Variants in FLT1 observed in about 807,000 individuals in gnomAD.
The protein encoded by FLT1 is fms related receptor tyrosine kinase 1.
In FLT1, 49 loss-of-function variants were observed where a neutral mutation model predicts 156.3. That is an observed-to-expected ratio of 0.31 (90% CI 0.25 to 0.40). FLT1 has a LOEUF of 0.40. Ranked by LOEUF, FLT1 falls within the 10% of genes least tolerant of loss-of-function variation. The pLI is 1.00. For missense variants in FLT1, 1,322 were observed against 1,637.2 expected (o/e 0.81, Z 3.32); for synonymous variants, 594 against 583.8 (o/e 1.02, Z -0.25).
chr13:28,304,365 T>A (rs1369191211), intron 29 of FLT1, among the ~76,000 whole-genome samples: 1 of 152,206 alleles, frequency 6.6e-6, no homozygotes, highest in Non-Finnish European at 1.5e-5. Flanking sequence ...CACACGCAGA[T>A]GTTTGCCTGG....
intron 11 of FLT1, among the ~76,000 whole-genome samples, chr13:28,398,491 C>A (rs1451052727): frequency 6.6e-6 from 1 of 152,200 alleles, no homozygotes. Flanking sequence ...TAAGGTATTT[C>A]TGTCTTTAAT....
intron 3 of FLT1, among the ~76,000 whole-genome samples, chr13:28,454,004 G>A (rs1566036415): frequency 2.0e-5 from 3 of 152,104 alleles, no homozygotes. Flanking sequence ...TGAAAAGTGA[G>A]GAAGAGTGAG....
intron 3 of FLT1, among the ~76,000 whole-genome samples, chr13:28,453,290 A>G (rs935142894): frequency 1.3e-5 from 2 of 151,296 alleles, no homozygotes; most frequent in African/African-American, 4.9e-5. Context: ...CACCGGGCTA[A>G]TTTTGTATTT....
chr13:28,410,523 C>T (rs1439134753), intron 10 of FLT1, among the ~76,000 whole-genome samples: 1 of 152,230 alleles, frequency 6.6e-6, no homozygotes, highest in Non-Finnish European at 1.5e-5. Flanking sequence ...CTAATAACCA[C>T]ATTGATTCTA....
intron 12 of FLT1, among the ~76,000 whole-genome samples, chr13:28,393,382 A>G (rs1321443088): frequency 6.6e-6 from 1 of 152,232 alleles, no homozygotes; most frequent in African/African-American, 2.4e-5. Context: ...GTAAAAATAA[A>G]GAAGGCTCTA....
chr13:28,451,088 A>C (rs1325006801), intron 3 of FLT1, among the ~76,000 whole-genome samples: 1 of 152,162 alleles, frequency 6.6e-6, no homozygotes, highest in Non-Finnish European at 1.5e-5. Context: ...CTCTGCTGTA[A>C]GGTGCTGAGG....
At position 28,448,424 on chromosome 13, in the gene FLT1, A is replaced by G. The variant is rs535548284; in HGVS notation, c.389-10079T>C. 2.6e-5 allele frequency among the ~76,000 whole-genome samples: 4 copies of G among 152,386 alleles called. No homozygotes were observed. The South Asian group carries it at 8.3e-4, about 32-fold the overall frequency. ...GTCCATACAATGGAATATTACTCAG[A>G]AATAGAAAGAAATCAAGTGCTGATA... On this transcript the variant is annotated intron_variant, in intron 3 of 29. Coordinates refer to ENST00000282397, the MANE Select transcript of FLT1 (RefSeq NM_002019.4).
chr13:28,370,044 TA>T (rs1375328560), intron 14 of FLT1, among the ~76,000 whole-genome samples: 1 of 151,296 alleles, frequency 6.6e-6, no homozygotes, highest in African/African-American at 2.4e-5. Flanking sequence ...CTATAAAAAA[TA>T]AAAAAAATTA....
intron 16 of FLT1, among the ~76,000 whole-genome samples, chr13:28,344,536 T>A (rs1320664255): frequency 6.6e-6 from 1 of 152,218 alleles, no homozygotes; most frequent in East Asian, 1.9e-4. Flanking sequence ...CCTGGCATGC[T>A]GCACTGAGTG....
chr13:28,435,573 C>T (rs564718562), intron 4 of FLT1, among the ~76,000 whole-genome samples: 55 of 152,292 alleles, frequency 3.6e-4, no homozygotes, highest in Middle Eastern at 3.4e-3. Flanking sequence ...AAGCTCGAAA[C>T]CTTTTCTATC....
intron 11 of FLT1, among the ~76,000 whole-genome samples, chr13:28,403,887 C>T (rs1445319358): frequency 3.3e-5 from 5 of 152,056 alleles, no homozygotes; most frequent in Admixed American, 2.6e-4. Flanking sequence ...ACTAGAAATA[C>T]AAAACTTAGC....
intron 1 of FLT1, among the ~76,000 whole-genome samples, chr13:28,494,540 G>A (rs1881648200): frequency 6.6e-6 from 1 of 152,296 alleles, no homozygotes; most frequent in East Asian, 1.9e-4. Flanking sequence ...CGCGGACCCG[G>A]TCTGAGCGCT....
At chr13:28,389,374 TTAAAAA>T (rs1296881511) in intron 13 of FLT1, 26 of 1,265,802 alleles carry the variant, frequency 2.1e-5, no homozygotes, top group Middle Eastern at 6.1e-4. Flanking sequence ...GCTTCAACAC[TTAAAAA>T]TAAAAAGAGG....
intron 14 of FLT1, 64 bp downstream of exon 14, chr13:28,384,821 T>A: frequency 6.6e-7 from 1 of 1,515,338 alleles, no homozygotes; most frequent in Non-Finnish European, 9.2e-7. Flanking sequence ...GACGGGACTG[T>A]TAAGGGAAAG....
At chr13:28,440,387 C>T (rs1027131418) in intron 3 of FLT1, among the ~76,000 whole-genome samples, 1 of 152,200 alleles carries the variant, frequency 6.6e-6, no homozygotes, top group Non-Finnish European at 1.5e-5. Context: ...TTACTTCTGC[C>T]TCCAATCTAG....
chr13:28,430,140 C>T lies in FLT1; in HGVS notation c.1016G>A (p.Arg339Gln), dbSNP rs370686484. ...YDKAFITVKHRKQQVLETVAG... is the reference protein window; with the variant it reads ...YDKAFITVKHQKQQVLETVAG... ...TACGGTTTCAAGCACCTGCTGTTTT[C>T]GATGTTTCACAGTGATGAATGCTTT... The change falls in exon 8 of 30, where the codon CGA (arginine) becomes CAA (glutamine). Residue 339 changes from arginine (R) to glutamine (Q), a missense_variant. Transcript: ENST00000282397. 1.3e-5 allele frequency: 21 copies of T among 1,613,372 alleles called. No individual in the cohort carries two copies. Among genetic ancestry groups the T allele is most frequent in the Middle Eastern group, 1.7e-4 (1 of 6,052 alleles).
chr13:28,388,167 T>C, intron 13 of FLT1: 1 of 1,057,558 alleles, frequency 9.5e-7, no homozygotes, highest in South Asian at 4.6e-5. Flanking sequence ...CAAGATACAA[T>C]TGATTTTTCT....
intron 3 of FLT1, among the ~76,000 whole-genome samples, chr13:28,462,473 G>T (rs1417222550): frequency 6.6e-6 from 1 of 152,158 alleles, no homozygotes; most frequent in Non-Finnish European, 1.5e-5. Flanking sequence ...TAATTAGGAG[G>T]TGCTTTGTAA....
intron 12 of FLT1, among the ~76,000 whole-genome samples, chr13:28,392,440 G>A (rs748756678): frequency 2.0e-5 from 3 of 152,196 alleles, no homozygotes; most frequent in Non-Finnish European, 4.4e-5. Flanking sequence ...ACAGATAGTA[G>A]AGCAGAGGTA....
Sources: allele counts gnomAD v4.1 joint callset (sites outside exome capture counted in the v4.1 genomes callset), GRCh38; gene constraint gnomAD v4.1.1; transcripts MANE v1.5; gene names NCBI Gene and HGNC (gene_info 2026-07-23, HGNC 2026-07-21).